The following RYR2 variants were observed in gnomAD, a reference collection of about 807,000 sequenced individuals.
The protein encoded by RYR2 is cardiac muscle ryanodine receptor-calcium release channel.
RYR2 carries 227 observed loss-of-function variants against 601.1 expected under a neutral mutation model. The observed-to-expected ratio is 0.38, with a 90% confidence interval of 0.34 to 0.42. The LOEUF is 0.42. Among genes scored for constraint, RYR2 ranks in the 10% least tolerant of loss-of-function variants. The pLI is 1.00. For missense variants in RYR2, 4,646 were observed against 6,156.5 expected (o/e 0.75, Z 8.21); for synonymous variants, 2,223 against 2,175.1 (o/e 1.02, Z -0.61).
At chr1:237,081,231 GTAAC>G (rs1462787534) in intron 1 of RYR2, among the ~76,000 whole-genome samples, 1 of 118,948 alleles carries the variant, frequency 8.4e-6, no homozygotes, top group Non-Finnish European at 1.7e-5. Context: ...GTATACATAT[GTAAC>G]TAACCTGCAC....
At position 237,164,403 on chromosome 1, in the gene RYR2, C is replaced by T. The variant is rs184794786; in HGVS notation, c.49-106094C>T. ...GCTTTCACAGGTGCCCAGCTGTAGA[C>T]GTGGTGAGCCATGTCATTGTTGGGT... is the stretch of plus-strand genomic sequence containing the variant. On this transcript the variant is annotated intron_variant, in intron 1 of 104. Coordinates refer to ENST00000366574, the MANE Select transcript of RYR2 (RefSeq NM_001035.3). Among the ~76,000 whole-genome samples the T allele has an allele frequency of 4.6e-5, 7 of 152,314 alleles. No individual in the cohort carries two copies. The East Asian group carries it at 1.3e-3, about 29-fold the overall frequency.
chr1:237,506,779 A>T lies in RYR2; in HGVS notation c.2683A>T (p.Met895Leu). 2 of 1,613,870 alleles carry T rather than the reference A, an allele frequency of 1.2e-6. No individual in the cohort carries two copies. The highest frequency in any genetic ancestry group is 1.7e-6 in the Non-Finnish European group (2 of 1,179,794). ...LAENIHELWV[M>L]NKIELGWQYG... Reference sequence around the variant, plus strand: ...AGAGAATATCCATGAACTCTGGGTTATGAATAAAATTGAGCTTGGCTGGCA... The same window carrying T: ...AGAGAATATCCATGAACTCTGGGTTTTGAATAAAATTGAGCTTGGCTGGCA... The change falls in exon 23 of 105, where the codon ATG becomes TTG. Residue 895 changes from methionine (M) to leucine (L), a missense_variant. Physicochemically the swap from Met to Leu is conservative, Grantham distance 15 (BLOSUM62 2). Coordinates refer to ENST00000366574, the MANE Select transcript of RYR2 (RefSeq NM_001035.3).
intron 57 of RYR2, among the ~76,000 whole-genome samples, chr1:237,667,225 AAATAACAT>A (rs1684405287): frequency 6.6e-6 from 1 of 152,222 alleles, no homozygotes; most frequent in Non-Finnish European, 1.5e-5. Context: ...TATGGTGTTC[AAATAACAT>A]ATTAGCATTG....
At chr1:237,487,139 G>A (rs185934417) in intron 17 of RYR2, among the ~76,000 whole-genome samples, 23 of 152,046 alleles carry the variant, frequency 1.5e-4, no homozygotes, top group African/African-American at 2.4e-4. Flanking sequence ...TAAGCTTCAC[G>A]ACTATAGCTA....
chr1:237,794,080 CA>C, intron 95 of RYR2, 83 bp downstream of exon 95: 1 of 1,260,996 alleles, frequency 7.9e-7, no homozygotes, highest in Non-Finnish European at 1.1e-6. Context: ...GCAGATTTGT[CA>C]AAAGTTTAGC....
At chr1:237,344,459 C>T (rs1432388952) in intron 3 of RYR2, among the ~76,000 whole-genome samples, 1 of 152,204 alleles carries the variant, frequency 6.6e-6, no homozygotes, top group Non-Finnish European at 1.5e-5. Flanking sequence ...ATATGCTACA[C>T]TTAATTCAGG....
At position 237,456,608 on chromosome 1, in the gene RYR2, C is replaced by T; in HGVS notation, c.1485C>T (p.Ile495=). 2 of 1,517,678 alleles carry T rather than the reference C, an allele frequency of 1.3e-6. No individual in the cohort carries two copies. Among genetic ancestry groups the T allele is most frequent in the Middle Eastern group, 1.8e-4 (1 of 5,674 alleles). The allele number at this position is 1,517,678 out of a possible 1,614,324, so 94.0% of individuals were successfully genotyped here. A position where few individuals can be genotyped will look rare whatever the true frequency, so the allele number is the denominator to read the frequency against. Residue 495 remains isoleucine (I), a synonymous_variant, in exon 16 of 105, where the codon ATC becomes ATT. Coordinates refer to ENST00000366574, the MANE Select transcript of RYR2 (RefSeq NM_001035.3). Reference sequence around the variant, plus strand: ...TTTTTTTAACGTTCCAGGGAATGATCAACCTCGTGCTTGAGTGCATAGACC... The same window carrying T: ...TTTTTTTAACGTTCCAGGGAATGATTAACCTCGTGCTTGAGTGCATAGACC... ...RQNLFQEEGM[I]NLVLECIDRL...
chr1:237,740,408 T>C (rs1360647853), intron 79 of RYR2, among the ~76,000 whole-genome samples: 1 of 152,200 alleles, frequency 6.6e-6, no homozygotes, highest in East Asian at 1.9e-4. Context: ...CAAATCTCAT[T>C]AAATTTTCCT....
intron 10 of RYR2, among the ~76,000 whole-genome samples, chr1:237,392,697 A>G (rs1042820413): frequency 1.3e-5 from 2 of 151,980 alleles, no homozygotes; most frequent in Non-Finnish European, 2.9e-5. Context: ...GATATGCACT[A>G]TGTGAATAAA....
At chr1:237,163,052 C>T (rs1266939059) in intron 1 of RYR2, among the ~76,000 whole-genome samples, 2 of 152,124 alleles carry the variant, frequency 1.3e-5, no homozygotes, top group South Asian at 2.1e-4. Context: ...GGACTAGAGA[C>T]GGAGAGGTTG....
At chr1:237,445,152 A>G (rs535994977) in intron 13 of RYR2, among the ~76,000 whole-genome samples, 46 of 152,296 alleles carry the variant, frequency 3.0e-4, no homozygotes, top group African/African-American at 1.0e-3. Context: ...GTTCAAGACC[A>G]GCCTGGGCAA....
At chr1:237,132,628 C>A (rs1048815094) in intron 1 of RYR2, among the ~76,000 whole-genome samples, 2 of 152,112 alleles carry the variant, frequency 1.3e-5, no homozygotes, top group African/African-American at 2.4e-5. Flanking sequence ...AACTGAACAT[C>A]ACATCTGAGA....
intron 41 of RYR2, 92 bp from the exon 42 acceptor site, chr1:237,631,335 C>A: frequency 2.6e-6 from 2 of 780,178 alleles, no homozygotes; most frequent in Non-Finnish European, 4.3e-6. Context: ...TTTCAACTCA[C>A]ATAAATTATT....
chr1:237,176,951 T>A (rs1238431128), intron 1 of RYR2, among the ~76,000 whole-genome samples: 1 of 152,240 alleles, frequency 6.6e-6, no homozygotes, highest in Non-Finnish European at 1.5e-5. Flanking sequence ...TTGAGATGTT[T>A]ATAGAGGAGG....
intron 1 of RYR2, chr1:237,121,057 T>G (rs184188994): frequency 6.3e-5 from 9 of 142,498 alleles, no homozygotes; most frequent in African/African-American, 2.6e-4. Context: ...TGTGTGCACA[T>G]GTGTGTGTGT....
At chr1:237,110,409 T>TC (rs975787857) in intron 1 of RYR2, among the ~76,000 whole-genome samples, 1 of 116,978 alleles carries the variant, frequency 8.5e-6, no homozygotes, top group Admixed American at 9.1e-5. Flanking sequence ...ATGCTATCCC[T>TC]CCCCCCTCCC....
intron 24 of RYR2, among the ~76,000 whole-genome samples, chr1:237,527,368 G>A (rs1667698603): frequency 6.6e-6 from 1 of 152,172 alleles, no homozygotes; most frequent in Non-Finnish European, 1.5e-5. Context: ...CTGGAATAAT[G>A]TTTGACTAAA....
chr1:237,727,917 C>T (rs1690331132), intron 76 of RYR2, among the ~76,000 whole-genome samples: 1 of 151,972 alleles, frequency 6.6e-6, no homozygotes, highest in Non-Finnish European at 1.5e-5. Context: ...ATGCTCTTTC[C>T]CACTCTGAAG....
At chr1:237,149,941 G>A (rs568502186) in intron 1 of RYR2, among the ~76,000 whole-genome samples, 1 of 152,120 alleles carries the variant, frequency 6.6e-6, no homozygotes, top group African/African-American at 2.4e-5. Flanking sequence ...GCTCATTAGG[G>A]GGGTTTTGTG....
Sources: gnomAD v4.1 joint callset for allele counts (sites outside exome capture counted in the v4.1 genomes callset) on GRCh38, gnomAD v4.1.1 for gene constraint, MANE v1.5 for transcripts, NCBI Gene and HGNC (gene_info 2026-07-23, HGNC 2026-07-21) for gene names.